The following PPFIA2 variants were observed in gnomAD, a reference collection of about 807,000 sequenced individuals.
PPFIA2 encodes liprin-alpha-2.
In PPFIA2, 46 loss-of-function variants were observed where a neutral mutation model predicts 175.5. That is an observed-to-expected ratio of 0.26 (90% CI 0.21 to 0.34). The LOEUF (loss-of-function observed/expected upper bound fraction) is 0.34, where lower values mean the gene tolerates loss of function less well. PPFIA2 is among the 10% of genes least tolerant of loss of function. The pLI, the probability that PPFIA2 is intolerant of heterozygous loss-of-function variation, is 1.00. For synonymous variants in PPFIA2, 568 were observed against 511.4 expected (o/e 1.11, Z -1.49); for missense variants, 1,179 against 1,506.1 (o/e 0.78, Z 3.60).
intron 8 of PPFIA2, among the ~76,000 whole-genome samples, chr12:81,388,371 G>A (rs1229641979): frequency 6.6e-6 from 1 of 152,048 alleles, no homozygotes; most frequent in Non-Finnish European, 1.5e-5. Context: ...ACATTAAGCT[G>A]AGAAATAGAA....
In PPFIA2 at chr12:81,286,449, C is replaced by T. The variant is rs145484556; in HGVS notation, c.2926-2146G>A. 4.6e-3 allele frequency among the ~76,000 whole-genome samples: 706 copies of T among 152,002 alleles called. 5 individuals carry two copies. Among genetic ancestry groups the T allele is most frequent in the South Asian group, 0.017 (81 of 4,822 alleles). ...TTACTGTACCTTTTCTATGTTTAGA[C>T]ATATTTGGATACACAAATACTTACC... On this transcript the variant is annotated intron_variant, in intron 24 of 32. Coordinates refer to ENST00000549396, the MANE Select transcript of PPFIA2 (RefSeq NM_003625.5).
intron 3 of PPFIA2, among the ~76,000 whole-genome samples, chr12:81,713,023 T>C (rs2078145642): frequency 6.6e-6 from 1 of 151,242 alleles, no homozygotes; most frequent in African/African-American, 2.4e-5. Flanking sequence ...CTTTTTTCAT[T>C]TTCTTTGTCT....
chr12:81,638,687 T>TC (rs1009586148), intron 4 of PPFIA2, among the ~76,000 whole-genome samples: 4 of 123,484 alleles, frequency 3.2e-5, no homozygotes, highest in East Asian at 2.2e-4. Flanking sequence ...ATTTTCTTTT[T>TC]TTTTTTTTTT....
intron 7 of PPFIA2, among the ~76,000 whole-genome samples, chr12:81,424,658 C>T (rs2046840151): frequency 6.6e-6 from 1 of 152,140 alleles, no homozygotes; most frequent in Non-Finnish European, 1.5e-5. Flanking sequence ...GTCTCTTTTA[C>T]AGCTTAGAGT....
intron 21 of PPFIA2, among the ~76,000 whole-genome samples, chr12:81,337,714 T>C (rs1483752828): frequency 6.6e-6 from 1 of 152,082 alleles, no homozygotes; most frequent in African/African-American, 2.4e-5. Context: ...TGTTGAAATA[T>C]AAATAAATAT....
chr12:81,409,968 A>T (rs2043623551), intron 7 of PPFIA2, among the ~76,000 whole-genome samples: 1 of 152,128 alleles, frequency 6.6e-6, no homozygotes, highest in Non-Finnish European at 1.5e-5. Context: ...CTAGGGCTCA[A>T]TGTGATAGTT....
In PPFIA2 at chr12:81,311,821, C is replaced by CTT. The variant is rs1471140903; in HGVS notation, c.2643-12440_2643-12439insAA. Reference sequence around the variant, plus strand: ...GCACAATCAATAGTACCTGAGTGGTCTCAAAGTATGACTTGAGCCTGGCTG... The same window carrying CTT: ...GCACAATCAATAGTACCTGAGTGGTCTTTCAAAGTATGACTTGAGCCTGGCTG... On this transcript the variant is annotated intron_variant, in intron 22 of 32. Coordinates refer to ENST00000549396, the MANE Select transcript of PPFIA2 (RefSeq NM_003625.5). 4.0e-5 allele frequency among the ~76,000 whole-genome samples: 6 copies of CTT among 151,410 alleles called. No homozygotes were observed. The East Asian group carries it at 1.2e-3, about 29-fold the overall frequency.
chr12:81,273,284 C>T (rs1242068532), intron 28 of PPFIA2, among the ~76,000 whole-genome samples: 1 of 152,126 alleles, frequency 6.6e-6, no homozygotes, highest in African/African-American at 2.4e-5. Flanking sequence ...CTCCTGAAGG[C>T]CCGGCAGTTT....
intron 3 of PPFIA2, among the ~76,000 whole-genome samples, chr12:81,706,800 ATGGTAC>A (rs1350098732): frequency 6.6e-6 from 1 of 152,210 alleles, no homozygotes; most frequent in Non-Finnish European, 1.5e-5. Context: ...CCAAAACAGC[ATGGTAC>A]TGGTACCAAA....
At chr12:81,448,482 T>A (rs1024210067) in intron 5 of PPFIA2, among the ~76,000 whole-genome samples, 1 of 152,234 alleles carries the variant, frequency 6.6e-6, no homozygotes, top group South Asian at 2.1e-4. Flanking sequence ...AAAATGTGAG[T>A]TAGGTCATTT....
chr12:81,485,066 A>T (rs2146843165), intron 4 of PPFIA2, among the ~76,000 whole-genome samples: 1 of 152,012 alleles, frequency 6.6e-6, no homozygotes, highest in South Asian at 2.1e-4. Flanking sequence ...TAATGATTCA[A>T]ATTATTTTTA....
At chr12:81,306,891 C>A (rs891994555) in intron 22 of PPFIA2, among the ~76,000 whole-genome samples, 1 of 152,084 alleles carries the variant, frequency 6.6e-6, no homozygotes, top group East Asian at 1.9e-4. Flanking sequence ...CCCCTTCAGT[C>A]TTTCCTCAAA....
intron 4 of PPFIA2, among the ~76,000 whole-genome samples, chr12:81,648,338 G>A (rs933438474): frequency 3.3e-5 from 5 of 151,876 alleles, no homozygotes; most frequent in African/African-American, 1.2e-4. Flanking sequence ...TTTCACAGCT[G>A]ACATTCATCT....
At chr12:81,729,646 A>G (rs1003227488) in intron 3 of PPFIA2, among the ~76,000 whole-genome samples, 1 of 151,536 alleles carries the variant, frequency 6.6e-6, no homozygotes, top group African/African-American at 2.4e-5. Flanking sequence ...AGGTTACGGA[A>G]TTTAAAATAG....
At chr12:81,462,023 GATA>G (rs1240161347) in intron 4 of PPFIA2, among the ~76,000 whole-genome samples, 9 of 151,576 alleles carry the variant, frequency 5.9e-5, no homozygotes, top group Admixed American at 5.9e-4. Flanking sequence ...TCCTTGTTGT[GATA>G]ATAAATAAAT....
At chr12:81,505,110 C>T (rs1390858560) in intron 4 of PPFIA2, among the ~76,000 whole-genome samples, 4 of 151,954 alleles carry the variant, frequency 2.6e-5, no homozygotes, top group Non-Finnish European at 4.4e-5. Flanking sequence ...TTTAGTGAGT[C>T]TTTGTACGTC....
intron 4 of PPFIA2, among the ~76,000 whole-genome samples, chr12:81,570,779 A>G (rs1344247302): frequency 6.6e-6 from 1 of 150,736 alleles, no homozygotes; most frequent in Non-Finnish European, 1.5e-5. Flanking sequence ...ATTAATTTCA[A>G]AATAGTAACT....
intron 8 of PPFIA2, among the ~76,000 whole-genome samples, chr12:81,404,474 T>A (rs908243066): frequency 6.6e-6 from 1 of 152,176 alleles, no homozygotes; most frequent in Non-Finnish European, 1.5e-5. Flanking sequence ...TGAGTGAAAA[T>A]GCCTTATTAA....
chr12:81,375,945 A>G lies in PPFIA2; in HGVS notation c.985-3T>C. The G allele has an allele frequency of 6.2e-7, 1 of 1,609,140 alleles. No individual in the cohort carries two copies. The highest frequency in any genetic ancestry group is 8.5e-7 in the Non-Finnish European group (1 of 1,177,866). On this transcript the variant is annotated splice_polypyrimidine_tract_variant and splice_region_variant and intron_variant, in intron 9 of 32. Coordinates refer to ENST00000549396, the MANE Select transcript of PPFIA2 (RefSeq NM_003625.5). Reference sequence around the variant, plus strand: ...ATATCTTCCTTTTGTGCCATGGCCTACAATTAAAATAATTTAGAAAAAGCA... The same window carrying G: ...ATATCTTCCTTTTGTGCCATGGCCTGCAATTAAAATAATTTAGAAAAAGCA...
Sources: allele counts gnomAD v4.1 joint callset (sites outside exome capture counted in the v4.1 genomes callset), GRCh38; gene constraint gnomAD v4.1.1; transcripts MANE v1.5; gene names NCBI Gene and HGNC (gene_info 2026-07-23, HGNC 2026-07-21).